The following EFR3A variants were observed in gnomAD, a reference collection of about 807,000 sequenced individuals.
EFR3A encodes the protein protein EFR3 homolog A.
Under a neutral mutation model 104.4 loss-of-function variants are expected in EFR3A, and 76 were observed. The observed-to-expected ratio is 0.73, with a 90% CI of 0.60 to 0.88. The LOEUF (loss-of-function observed/expected upper bound fraction) is 0.88. Among genes scored for constraint, EFR3A ranks in the 40% least tolerant of loss-of-function variants. EFR3A has a pLI of 0.00. For synonymous variants in EFR3A, 330 were observed against 330.0 expected, an observed-to-expected ratio of 1.00 and a Z score of 0.00; for missense variants, 985 against 1,012.5, an observed-to-expected ratio of 0.97 and a Z score of 0.37.
At chr8:131,994,171 A>G (rs1052799973) in intron 18 of EFR3A, among the ~76,000 whole-genome samples, 5 of 151,988 alleles carry the variant, frequency 3.3e-5, no homozygotes, top group African/African-American at 1.2e-4. Flanking sequence ...TGAGCCCAAG[A>G]GTTTGAGGCT....
At chr8:131,923,225 G>C (rs775930855) in intron 1 of EFR3A, among the ~76,000 whole-genome samples, 1 of 152,070 alleles carries the variant, frequency 6.6e-6, no homozygotes, top group Non-Finnish European at 1.5e-5. Context: ...GTATTATGTG[G>C]CTTTACTGTT....
rs1056502972 is a variant in EFR3A at position 132,013,622 on chromosome 8, A to T, written c.*2727A>T. 1 of 152,370 alleles carries T rather than the reference A, an allele frequency of 6.6e-6. No homozygotes were observed. The highest frequency in any genetic ancestry group is 2.4e-5 in the African/African-American group (1 of 41,446). 9.4% of individuals were successfully genotyped at this position (152,370 alleles called of 1,614,324 possible). A position where few individuals can be genotyped will look rare whatever the true frequency, so the allele number is the denominator to read the frequency against. ...TTGTTACATTTAATTAAATTTATTC[A>T]ATATTTGCTTAAATTAAAAATGAAT... On this transcript the variant is annotated 3_prime_UTR_variant, in exon 23 of 23. Coordinates refer to ENST00000254624, the MANE Select transcript of EFR3A (RefSeq NM_015137.6).
intron 1 of EFR3A, among the ~76,000 whole-genome samples, chr8:131,938,808 CA>C (rs1304456131): frequency 6.6e-6 from 1 of 152,090 alleles, no homozygotes; most frequent in Non-Finnish European, 1.5e-5. Flanking sequence ...TGTTACTGGA[CA>C]AAATTGGCCT....
At chr8:131,910,999 A>G (rs1484878008) in intron 1 of EFR3A, among the ~76,000 whole-genome samples, 1 of 152,192 alleles carries the variant, frequency 6.6e-6, no homozygotes, top group Admixed American at 6.5e-5. Flanking sequence ...TCGTTTGTCT[A>G]GGTTAAGGAG....
intron 1 of EFR3A, among the ~76,000 whole-genome samples, chr8:131,930,047 A>G (rs1200271335): frequency 2.6e-5 from 4 of 152,256 alleles, no homozygotes; most frequent in Admixed American, 6.5e-5. Context: ...AAACTGCCCT[A>G]TAACTCCATG....
At chr8:132,000,391 G>A (rs1288027983) in intron 19 of EFR3A, among the ~76,000 whole-genome samples, 2 of 152,194 alleles carry the variant, frequency 1.3e-5, no homozygotes, top group Non-Finnish European at 2.9e-5. Flanking sequence ...GCCTCCCAAA[G>A]TGCTGGGATT....
chr8:132,011,414 T>G lies in EFR3A; in HGVS notation c.*519T>G. ...ATAAGCTGGGATAGGCACCTTGCTA[T>G]TCAGTTACTATAATAATATGTGATA... On this transcript the variant is annotated 3_prime_UTR_variant, in exon 23 of 23. Transcript: ENST00000254624. 6 of 985,800 alleles carry G rather than the reference T, an allele frequency of 6.1e-6. No homozygotes were observed. Among genetic ancestry groups the G allele is most frequent in the Non-Finnish European group, 7.2e-6 (6 of 830,206 alleles). 61.1% of individuals were successfully genotyped at this position (985,800 alleles called of 1,614,324 possible).
intron 22 of EFR3A, among the ~76,000 whole-genome samples, chr8:132,005,438 CAAGA>C (rs1418563721): frequency 2.7e-5 from 4 of 150,614 alleles, no homozygotes; most frequent in Non-Finnish European, 4.4e-5. Context: ...AAAAAAAAAA[CAAGA>C]AAGGCAAAGA....
chr8:131,984,832 G>T, intron 15 of EFR3A, 97 bp from the exon 16 acceptor site: 1 of 1,166,884 alleles, frequency 8.6e-7, no homozygotes. Context: ...ATTTTTGTTA[G>T]CTTTCCAAAC....
chr8:131,909,327 G>T (rs1404249076), intron 1 of EFR3A, among the ~76,000 whole-genome samples: 9 of 152,142 alleles, frequency 5.9e-5, no homozygotes. Flanking sequence ...AAGAAGAGAG[G>T]ATCGCTTTTG....
At chr8:131,907,821 C>CCCCTCCCCTCCCATCT (rs975508551) in intron 1 of EFR3A, among the ~76,000 whole-genome samples, 1 of 151,490 alleles carries the variant, frequency 6.6e-6, no homozygotes, top group Non-Finnish European at 1.5e-5. Context: ...GCTTCCTTCT[C>CCCCTCCCCTCCCATCT]CCCTCCCCTC....
At position 131,985,064 on chromosome 8, in the gene EFR3A, A is replaced by G. The variant is rs775589133; in HGVS notation, c.1869+4A>G. On this transcript the variant is annotated splice_donor_region_variant and intron_variant, in intron 16 of 22. Coordinates refer to ENST00000254624, the MANE Select transcript of EFR3A (RefSeq NM_015137.6). The stretch of plus-strand genomic sequence containing the variant: ...ATTTTGCCAGCATGTTAGCAAGGTA[A>G]TGTATTTAGAAAAGTCCTTAAACTT... The G allele has an allele frequency of 1.9e-6, 3 of 1,611,420 alleles. No homozygotes were observed. Among genetic ancestry groups the G allele is most frequent in the East Asian group, 2.2e-5 (1 of 44,830 alleles).
chr8:131,955,313 A>T (rs933313509), intron 6 of EFR3A, among the ~76,000 whole-genome samples: 4 of 152,196 alleles, frequency 2.6e-5, no homozygotes, highest in African/African-American at 9.6e-5. Flanking sequence ...TGTCTGCTGA[A>T]GACAGCTACG....
chr8:131,937,395 G>C (rs1304135738), intron 1 of EFR3A, among the ~76,000 whole-genome samples: 1 of 152,038 alleles, frequency 6.6e-6, no homozygotes, highest in African/African-American at 2.4e-5. Flanking sequence ...GATTACTTCT[G>C]AGCTTATGTG....
At chr8:131,910,389 G>A (rs181974962) in intron 1 of EFR3A, among the ~76,000 whole-genome samples, 25 of 152,114 alleles carry the variant, frequency 1.6e-4, no homozygotes, top group African/African-American at 5.5e-4. Context: ...CTCCTGCCTC[G>A]GCCTCCCGAG....
Position 131,959,570 on chromosome 8 carries a change from T to TTTTGTTA in EFR3A, c.777-10_777-4dup. On this transcript the variant is annotated splice_polypyrimidine_tract_variant and intron_variant, in intron 7 of 22. Transcript: ENST00000254624. ...GTAAAATAGAGAATTTTAAAGTAATTTTTGTTATTTGCAGGCATTTAGATC... is the reference window on the plus strand; with the variant it reads ...GTAAAATAGAGAATTTTAAAGTAATTTTTGTTATTTGTTATTTGCAGGCATTTAGATC... The TTTTGTTA allele has an allele frequency of 1.2e-6, 2 of 1,605,378 alleles. No individual in the cohort carries two copies. The highest frequency in any genetic ancestry group is 8.5e-7 in the Non-Finnish European group (1 of 1,175,878).
At chr8:131,949,078 A>G (rs182520155) in intron 4 of EFR3A, among the ~76,000 whole-genome samples, 10 of 152,250 alleles carry the variant, frequency 6.6e-5, no homozygotes, top group East Asian at 1.9e-4. Flanking sequence ...TAGTATAGCT[A>G]TATACCTACT....
intron 8 of EFR3A, among the ~76,000 whole-genome samples, chr8:131,961,746 A>G (rs1486135648): frequency 6.6e-6 from 1 of 152,196 alleles, no homozygotes; most frequent in Non-Finnish European, 1.5e-5. Context: ...CAACTCCAAG[A>G]CACATAATTG....
chr8:131,994,285 C>G (rs1026969783), intron 18 of EFR3A, among the ~76,000 whole-genome samples: 4 of 151,844 alleles, frequency 2.6e-5, no homozygotes, highest in African/African-American at 9.7e-5. Context: ...GAAGTGTTGC[C>G]ACATGATACA....
Sources: allele counts gnomAD v4.1 joint callset (sites outside exome capture counted in the v4.1 genomes callset), GRCh38; gene constraint gnomAD v4.1.1; transcripts MANE v1.5; gene names NCBI Gene and HGNC (gene_info 2026-07-23, HGNC 2026-07-21).